Variants in OCRL observed in about 807,000 individuals in gnomAD.
The protein encoded by OCRL is inositol polyphosphate 5-phosphatase OCRL.
In OCRL, 8 loss-of-function variants were observed where a neutral mutation model predicts 78.9. That is an observed-to-expected ratio of 0.10 (90% CI 0.06 to 0.18). The LOEUF is 0.18. Among genes scored for constraint, OCRL ranks in the 10% least tolerant of loss-of-function variants. OCRL has a pLI of 1.00. For missense variants in OCRL, 454 were observed against 696.7 expected (o/e 0.65, Z 3.92); for synonymous variants, 240 against 235.4 (o/e 1.02, Z -0.18).
chrX:129,578,641 C>G (rs144044132), intron 18 of OCRL, among the ~76,000 whole-genome samples: 77 of 110,567 alleles, frequency 7.0e-4, no homozygotes, highest in African/African-American at 2.3e-3. Context: ...AGAAGAGGCT[C>G]AACCCTCATA....
intron 18 of OCRL, 86 bp from the exon 19 acceptor site, chrX:129,584,258 C>A: frequency 1.2e-6 from 1 of 852,734 alleles, no homozygotes. Flanking sequence ...ATAGTGAGTT[C>A]TAATACTGAT....
intron 19 of OCRL, 121 bp downstream of exon 19, chrX:129,584,488 C>T (rs1936173406): frequency 3.2e-6 from 2 of 634,170 alleles, no homozygotes; most frequent in Admixed American, 4.7e-5. Context: ...GTGAGACTCC[C>T]CTAAAGTCCT....
At chrX:129,582,322 G>C (rs1936453774) in intron 18 of OCRL, among the ~76,000 whole-genome samples, 1 of 112,119 alleles carries the variant, frequency 8.9e-6, no homozygotes, top group African/African-American at 3.2e-5. Context: ...CCCCAACTCA[G>C]TTGCAAATCA....
chrX:129,562,315 G>C lies in OCRL; in HGVS notation c.940-69G>C, dbSNP rs1037054223. On this transcript the variant is annotated intron_variant, in intron 10 of 23. Transcript: ENST00000371113. ...ATATCATCTTGATGGAAAATTAGTCGTGGGACATTAGAAATGTGGCAAAGA... is the reference window on the plus strand; with the variant it reads ...ATATCATCTTGATGGAAAATTAGTCCTGGGACATTAGAAATGTGGCAAAGA... 27 of 818,841 alleles carry C rather than the reference G, an allele frequency of 3.3e-5. No individual in the cohort carries two copies. The African/African-American group carries it at 5.1e-4, about 15-fold the overall frequency. The allele number at this position is 818,841 out of a possible 1,213,427, so 67.5% of individuals were successfully genotyped here.
At chrX:129,560,876 G>A (rs1035434876) in intron 9 of OCRL, among the ~76,000 whole-genome samples, 2 of 112,669 alleles carry the variant, frequency 1.8e-5, no homozygotes, top group Non-Finnish European at 3.8e-5. Context: ...ATTCTGCATA[G>A]AAACTAAGAC....
At chrX:129,558,525 T>C in intron 6 of OCRL, 108 bp from the exon 7 acceptor site, 1 of 945,688 alleles carries the variant, frequency 1.1e-6, no homozygotes, top group Non-Finnish European at 1.5e-6. Context: ...TAGTTTTCTG[T>C]TTAGTAATAC....
At chrX:129,571,363 GTTTTTTTTTT>G (rs1301308479) in intron 15 of OCRL, among the ~76,000 whole-genome samples, 7 of 80,509 alleles carry the variant, frequency 8.7e-5, no homozygotes, top group African/African-American at 2.9e-4. Context: ...TTGTTTTTTG[GTTTTTTTTTT>G]TTTTTTTTTG....
chrX:129,553,849 G>C (rs1184228547), intron 4 of OCRL, among the ~76,000 whole-genome samples: 3 of 111,289 alleles, frequency 2.7e-5, no homozygotes, highest in African/African-American at 9.8e-5. Flanking sequence ...TGCTTCCTAT[G>C]ATAGAGGACC....
chrX:129,578,764 C>T (rs766988761), intron 18 of OCRL, among the ~76,000 whole-genome samples: 1 of 110,981 alleles, frequency 9.0e-6, no homozygotes, highest in Non-Finnish European at 1.9e-5. Context: ...AAGCCTTTTT[C>T]CTTCTTTTTG....
chrX:129,584,255 G>A, intron 18 of OCRL, 89 bp from the exon 19 acceptor site: 1 of 817,714 alleles, frequency 1.2e-6, no homozygotes, highest in Non-Finnish European at 1.9e-6. Context: ...AAGATAGTGA[G>A]TTCTAATACT....
intron 18 of OCRL, 28 bp from the exon 19 acceptor site, chrX:129,584,316 T>A (rs201897642): frequency 8.4e-7 from 1 of 1,192,326 alleles, no homozygotes; most frequent in Non-Finnish European, 1.1e-6. Context: ...TGTCTGTCAA[T>A]GACTTTCTTT....
At chrX:129,564,811 T>C (rs1225997372) in intron 12 of OCRL, among the ~76,000 whole-genome samples, 1 of 110,657 alleles carries the variant, frequency 9.0e-6, no homozygotes, top group African/African-American at 3.3e-5. Context: ...GCATGGCACA[T>C]GTATACATAT....
chrX:129,584,198 T>C, intron 18 of OCRL, 146 bp from the exon 19 acceptor site: 1 of 500,124 alleles, frequency 2.0e-6, no homozygotes, highest in Non-Finnish European at 3.5e-6. Context: ...TCAACAATCA[T>C]AATTTATTTG....
intron 12 of OCRL, among the ~76,000 whole-genome samples, chrX:129,563,499 C>T (rs950119664): frequency 1.1e-4 from 12 of 111,453 alleles, no homozygotes; most frequent in Non-Finnish European, 1.9e-4. Context: ...ACTATTCTAG[C>T]CTTTTGTCTA....
chrX:129,560,404 A>G, intron 8 of OCRL, 146 bp from the exon 9 acceptor site: 2 of 397,762 alleles, frequency 5.0e-6, no homozygotes, highest in South Asian at 6.8e-5. Flanking sequence ...GATGCAAAAG[A>G]TCTTTCTTAC....
chrX:129,554,728 C>T (rs1936013727), intron 4 of OCRL, among the ~76,000 whole-genome samples: 1 of 110,405 alleles, frequency 9.1e-6, no homozygotes, highest in South Asian at 3.8e-4. Context: ...CCGAGGCGGG[C>T]GGATCACGAG....
At chrX:129,542,360 CAACT>C (rs1935818992) in intron 2 of OCRL, among the ~76,000 whole-genome samples, 1 of 107,272 alleles carries the variant, frequency 9.3e-6, no homozygotes, top group Non-Finnish European at 1.9e-5. Context: ...ATATAACTAA[CAACT>C]AATATAGTTG....
At chrX:129,545,154 T>C in intron 3 of OCRL, 117 bp downstream of exon 3, 1 of 486,994 alleles carries the variant, frequency 2.1e-6, no homozygotes, top group Non-Finnish European at 3.6e-6. Flanking sequence ...TGTATTACTC[T>C]TTGCATAAAA....
intron 9 of OCRL, 86 bp downstream of exon 9, chrX:129,560,737 G>A: frequency 1.6e-6 from 1 of 621,399 alleles, no homozygotes; most frequent in Non-Finnish European, 2.7e-6. Context: ...AAAGACTGTT[G>A]GTAAAACCTA....
Sources: allele counts gnomAD v4.1 joint callset (sites outside exome capture counted in the v4.1 genomes callset), GRCh38; gene constraint gnomAD v4.1.1; transcripts MANE v1.5; gene names NCBI Gene and HGNC (gene_info 2026-07-23, HGNC 2026-07-21).